EVC2: variants seen among roughly 807,000 people sequenced by gnomAD.
The protein encoded by EVC2 is EvC ciliary complex subunit 2.
EVC2 carries 148 observed loss-of-function variants against 149.3 expected under a neutral mutation model. The ratio of observed to expected loss-of-function variants is 0.99; its 90% CI spans 0.87 to 1.14. EVC2 has a LOEUF of 1.14. Among genes scored for constraint, EVC2 ranks in the 50% most tolerant of loss-of-function variants. EVC2 has a pLI of 0.00. For missense variants in EVC2, 1,854 were observed against 1,627.3 expected (o/e 1.14, Z -2.40); for synonymous variants, 776 against 649.9 (o/e 1.19, Z -2.95).
intron 9 of EVC2, among the ~76,000 whole-genome samples, chr4:5,662,677 TATA>T (rs1007997970): frequency 1.8e-4 from 26 of 146,610 alleles, no homozygotes; most frequent in Non-Finnish European, 3.0e-4. Context: ...TAAATATAAA[TATA>T]ATATTAAATA....
intron 7 of EVC2, among the ~76,000 whole-genome samples, chr4:5,673,615 C>T (rs528812352): frequency 6.6e-6 from 1 of 152,324 alleles, no homozygotes; most frequent in East Asian, 1.9e-4. Flanking sequence ...AAAGAATCAT[C>T]CACGATTACC....
At chr4:5,693,490 G>A (rs1275514742) in intron 3 of EVC2, among the ~76,000 whole-genome samples, 1 of 152,236 alleles carries the variant, frequency 6.6e-6, no homozygotes, top group African/African-American at 2.4e-5. Flanking sequence ...CCACAGCCAA[G>A]GATGGCCTGG....
At chr4:5,651,319 A>G (rs545468641) in intron 9 of EVC2, among the ~76,000 whole-genome samples, 1 of 152,232 alleles carries the variant, frequency 6.6e-6, no homozygotes, top group South Asian at 2.1e-4. Context: ...GGGCAAATTG[A>G]TAGATGGGCA....
the EVC2 span, among the ~76,000 whole-genome samples, chr4:5,537,009 C>G: frequency 6.6e-6 from 1 of 152,206 alleles, no homozygotes; most frequent in Admixed American, 6.5e-5. Context: ...GTAATAAGGA[C>G]CGGATTTATC....
chr4:5,704,680 T>C (rs867882863), intron 1 of EVC2, among the ~76,000 whole-genome samples: 10 of 152,322 alleles, frequency 6.6e-5, no homozygotes, highest in Admixed American at 1.3e-4. Context: ...CCATCTTTCC[T>C]GACCAAGCTC....
intron 15 of EVC2, among the ~76,000 whole-genome samples, chr4:5,617,800 G>C (rs1715368179): frequency 6.6e-6 from 1 of 152,142 alleles, no homozygotes; most frequent in Non-Finnish European, 1.5e-5. Context: ...CTGAGGCAGG[G>C]ATTAGGTGCA....
chr4:5,622,548 G>T lies in EVC2; in HGVS notation c.2490C>A (p.His830Gln), dbSNP rs944565097. The T allele has an allele frequency of 1.2e-6, 2 of 1,613,718 alleles. No individual in the cohort carries two copies. Among genetic ancestry groups the T allele is most frequent in the Middle Eastern group, 1.6e-4 (1 of 6,082 alleles). The change falls in exon 14 of 22, where the codon CAC (histidine) becomes CAA (glutamine). Residue 830 changes from histidine to glutamine, a missense_variant. Coordinates refer to ENST00000344408, the MANE Select transcript of EVC2 (RefSeq NM_147127.5). The surrounding 1 kb of genome is among the most constrained non-coding windows in gnomAD (Gnocchi z 5.8). ...EEQAELRRWE[H>Q]LIFMKLCSSV... ...GCAAAGGCACTCACATGAAGATCAG[G>T]TGCTCCCAGCGTCGCAGCTCTGCCT...
chr4:5,626,296 A>G (rs976228321), intron 12 of EVC2, among the ~76,000 whole-genome samples: 2 of 150,278 alleles, frequency 1.3e-5, no homozygotes, highest in Non-Finnish European at 3.0e-5. Context: ...AATTTTATGG[A>G]CCAACTTGAC....
At chr4:5,704,869 C>CTATATATA (rs145021587) in intron 1 of EVC2, among the ~76,000 whole-genome samples, 11,825 of 149,844 alleles carry the variant, frequency 0.079, 566 homozygotes, top group East Asian at 0.12. Context: ...TCACACACAG[C>CTATATATA]TATATATATA....
intron 16 of EVC2, among the ~76,000 whole-genome samples, chr4:5,592,322 C>T (rs1712879649): frequency 6.6e-6 from 1 of 152,164 alleles, no homozygotes; most frequent in South Asian, 2.1e-4. Flanking sequence ...TCTTTAATCA[C>T]AAATGCCCTC....
intron 16 of EVC2, 57 bp from the exon 17 acceptor site, chr4:5,584,907 A>G: frequency 6.3e-7 from 1 of 1,582,788 alleles, no homozygotes; most frequent in South Asian, 1.1e-5. Context: ...AGGAGGGTGG[A>G]GGAGAACAAA....
In EVC2 at chr4:5,657,555, C is replaced by T. The variant is rs968913568; in HGVS notation, c.1145+5552G>A. Among the ~76,000 whole-genome samples, 20 of 151,760 alleles carry T rather than the reference C, an allele frequency of 1.3e-4. No homozygotes were observed. Among genetic ancestry groups the T allele is most frequent in the African/African-American group, 4.4e-4 (18 of 41,368 alleles). On this transcript the variant is annotated intron_variant, in intron 9 of 21. Coordinates refer to ENST00000344408, the MANE Select transcript of EVC2 (RefSeq NM_147127.5). The surrounding 1 kb of genome is among the most constrained non-coding windows in gnomAD (Gnocchi z 4.7). ...TCATCCTAATCTTTGCTATCATGTA[C>T]CTTATAGCCTCAAATTTTCTCTGCA... is the stretch of plus-strand genomic sequence containing the variant.
chr4:5,584,209 C>T (rs1447225798), intron 17 of EVC2, among the ~76,000 whole-genome samples: 1 of 152,088 alleles, frequency 6.6e-6, no homozygotes, highest in African/African-American at 2.4e-5. Flanking sequence ...TACGGATATA[C>T]CTCTCACATT....
chr4:5,647,201 C>T (rs970244713), intron 9 of EVC2, among the ~76,000 whole-genome samples: 6 of 152,272 alleles, frequency 3.9e-5, no homozygotes, highest in Non-Finnish European at 5.9e-5. Context: ...TCACAGCAAG[C>T]GGTGCTGCAG....
intron 9 of EVC2, among the ~76,000 whole-genome samples, chr4:5,648,793 G>A (rs1225333136): frequency 6.6e-6 from 1 of 152,138 alleles, no homozygotes; most frequent in African/African-American, 2.4e-5. Context: ...TCTGTCAGAA[G>A]AGATGATGAT....
intron 2 of EVC2, 81 bp downstream of exon 2, chr4:5,697,512 G>C: frequency 7.3e-7 from 1 of 1,367,260 alleles, no homozygotes; most frequent in Non-Finnish European, 1.0e-6. Context: ...CAGAGAGTGA[G>C]GGAGCTGGAG....
At chr4:5,601,582 A>C (rs1713985680) in intron 16 of EVC2, among the ~76,000 whole-genome samples, 1 of 152,168 alleles carries the variant, frequency 6.6e-6, no homozygotes. Context: ...TAGAAAGACA[A>C]ATTAGAGAAT....
intron 16 of EVC2, among the ~76,000 whole-genome samples, chr4:5,606,101 T>C (rs919902910): frequency 6.6e-6 from 1 of 152,170 alleles, no homozygotes; most frequent in Non-Finnish European, 1.5e-5. Flanking sequence ...TCCTCACTGG[T>C]ACTCCCCACC....
Position 5,657,706 on chromosome 4 carries a change from G to A in EVC2, c.1145+5401C>T, listed in dbSNP as rs1718616761. Reference sequence around the variant, plus strand: ...TGCACTCACATAACTTACTGCTCAGGTGGGTAAGATGAAATACAACAACAT... The same window carrying A: ...TGCACTCACATAACTTACTGCTCAGATGGGTAAGATGAAATACAACAACAT... On this transcript the variant is annotated intron_variant, in intron 9 of 21. Coordinates refer to ENST00000344408, the MANE Select transcript of EVC2 (RefSeq NM_147127.5). The surrounding 1 kb of genome is among the most constrained non-coding windows in gnomAD (Gnocchi z 4.7). Among the ~76,000 whole-genome samples, 1 of 150,338 alleles carries A rather than the reference G, an allele frequency of 6.7e-6. No homozygotes were observed. The highest frequency in any genetic ancestry group is 2.1e-4 in the South Asian group (1 of 4,746).
Sources: gnomAD v4.1 joint callset for allele counts (sites outside exome capture counted in the v4.1 genomes callset) on GRCh38, gnomAD v4.1.1 for gene constraint, Gnocchi (gnomAD v3.1) non-coding constraint, MANE v1.5 for transcripts, NCBI Gene and HGNC (gene_info 2026-07-23, HGNC 2026-07-21) for gene names.